KCNMB4: variants seen among roughly 807,000 people sequenced by gnomAD.
The protein encoded by KCNMB4 is potassium calcium-activated channel subfamily M regulatory beta subunit 4, also known as calcium-activated potassium channel subunit beta-4.
In KCNMB4, 3 loss-of-function variants were observed where a neutral mutation model predicts 20.7. That is an observed-to-expected ratio of 0.14 (90% confidence interval 0.07 to 0.37). KCNMB4 has a LOEUF of 0.37. KCNMB4 is among the 10% of genes least tolerant of loss of function. The pLI, the probability that KCNMB4 is intolerant of heterozygous loss-of-function variation, is 1.00. For missense variants in KCNMB4, 168 were observed against 265.9 expected, an observed-to-expected ratio of 0.63 and a Z score of 2.56; for synonymous variants, 110 against 113.4, an observed-to-expected ratio of 0.97 and a Z score of 0.19.
chr12:70,401,150 C>T (rs753791829), intron 2 of KCNMB4, among the ~76,000 whole-genome samples: 8 of 152,218 alleles, frequency 5.3e-5, no homozygotes, highest in Non-Finnish European at 8.8e-5. Flanking sequence ...CTCAGCCTCC[C>T]GAGTAGCTGG....
chr12:70,424,408 T>C (rs1223503148), intron 2 of KCNMB4, among the ~76,000 whole-genome samples: 1 of 146,608 alleles, frequency 6.8e-6, no homozygotes, highest in Non-Finnish European at 1.5e-5. Flanking sequence ...GCCACTGCAG[T>C]CCAGCCTGGG....
chr12:70,414,136 G>A (rs765529527), intron 2 of KCNMB4, among the ~76,000 whole-genome samples: 62 of 152,278 alleles, frequency 4.1e-4, no homozygotes, highest in Admixed American at 1.0e-3. Context: ...GGAGGCTGAG[G>A]CAGGAGAATT....
chr12:70,376,887 AAAAAG>A (rs1883697296), intron 1 of KCNMB4, among the ~76,000 whole-genome samples: 1 of 151,902 alleles, frequency 6.6e-6, no homozygotes, highest in African/African-American at 2.4e-5. Flanking sequence ...AAAAAAAAGA[AAAAAG>A]AATGTAATTT....
At chr12:70,429,420 A>G (rs1271658844) in intron 2 of KCNMB4, among the ~76,000 whole-genome samples, 1 of 152,164 alleles carries the variant, frequency 6.6e-6, no homozygotes, top group Admixed American at 6.5e-5. Context: ...TAATGCCAGC[A>G]CTTTGGGAGG....
At chr12:70,399,248 A>G (rs540547623) in intron 1 of KCNMB4, among the ~76,000 whole-genome samples, 4 of 152,294 alleles carry the variant, frequency 2.6e-5, no homozygotes, top group East Asian at 1.9e-4. Context: ...ATAAAACTCT[A>G]TGTTGTGTTG....
intron 1 of KCNMB4, among the ~76,000 whole-genome samples, chr12:70,386,526 ATT>A (rs1317975571): frequency 6.6e-6 from 1 of 151,992 alleles, no homozygotes; most frequent in Admixed American, 6.6e-5. Flanking sequence ...AAAAATGTAA[ATT>A]AAAATAAGAA....
intron 1 of KCNMB4, among the ~76,000 whole-genome samples, chr12:70,392,623 C>T (rs550414547): frequency 4.5e-4 from 69 of 152,182 alleles, no homozygotes; most frequent in African/African-American, 1.5e-3. Flanking sequence ...AAATGTGGCA[C>T]GTATACACCA....
chr12:70,433,251 G>GT lies in KCNMB4; in HGVS notation c.*2599dup, dbSNP rs1233772515. ...AAATCAGAAAATGATCTAAACTGCT[G>GT]TAACAAAGAGACCCCAAAATATGAT... On this transcript the variant is annotated 3_prime_UTR_variant, in exon 3 of 3. Transcript: ENST00000258111. The GT allele has an allele frequency of 1.3e-5, 2 of 152,124 alleles. No individual in the cohort carries two copies. Among genetic ancestry groups the GT allele is most frequent in the African/African-American group, 4.8e-5 (2 of 41,428 alleles). 9.4% of individuals were successfully genotyped at this position (152,124 alleles called of 1,614,324 possible). A position where few individuals can be genotyped will look rare whatever the true frequency, so the allele number is the denominator to read the frequency against.
intron 1 of KCNMB4, among the ~76,000 whole-genome samples, chr12:70,387,398 A>ATTTTT (rs200125786): frequency 8.1e-6 from 1 of 123,988 alleles, no homozygotes; most frequent in Non-Finnish European, 1.7e-5. Flanking sequence ...AAATTTTTTA[A>ATTTTT]TTTTTTTTTT....
At chr12:70,426,979 A>T (rs1347428201) in intron 2 of KCNMB4, among the ~76,000 whole-genome samples, 2 of 152,178 alleles carry the variant, frequency 1.3e-5, no homozygotes, top group Non-Finnish European at 2.9e-5. Flanking sequence ...CTCCAAGAGA[A>T]ATCTCTTGCT....
intron 1 of KCNMB4, among the ~76,000 whole-genome samples, chr12:70,393,942 G>A (rs984387594): frequency 6.6e-6 from 1 of 152,100 alleles, no homozygotes; most frequent in Non-Finnish European, 1.5e-5. Context: ...TCTCTGACAA[G>A]CAAATTCCTG....
Position 70,366,921 on chromosome 12 carries a change from G to A in KCNMB4, c.187G>A (p.Gly63Ser). 1 of 1,613,064 alleles carries A rather than the reference G, an allele frequency of 6.2e-7. No individual in the cohort carries two copies. Reference sequence around the variant, plus strand: ...CACGGTGCTGTCGGTGCAGCAGATCGGCGAGGTGTTCGAGTGCACCTTCAC... The same window carrying A: ...CACGGTGCTGTCGGTGCAGCAGATCAGCGAGGTGTTCGAGTGCACCTTCAC... ...NCTVLSVQQIGEVFECTFTCG... is the reference protein window; with the variant it reads ...NCTVLSVQQISEVFECTFTCG... Residue 63 changes from glycine (G) to serine (S), a missense_variant, in exon 1 of 3, where the codon GGC becomes AGC. Physicochemically the swap from Gly to Ser is moderately conservative, Grantham distance 56. Transcript: ENST00000258111.
chr12:70,381,324 A>G (rs1256046640), intron 1 of KCNMB4, among the ~76,000 whole-genome samples: 5 of 152,224 alleles, frequency 3.3e-5, no homozygotes, highest in Admixed American at 1.3e-4. Flanking sequence ...AAACAGTTTG[A>G]CAGTTCCTCA....
chr12:70,382,460 T>TC (rs1477015489), intron 1 of KCNMB4, among the ~76,000 whole-genome samples: 3 of 138,874 alleles, frequency 2.2e-5, no homozygotes, highest in Admixed American at 7.2e-5. Context: ...AAAAAAAATT[T>TC]AAAGGTACAA....
intron 1 of KCNMB4, among the ~76,000 whole-genome samples, chr12:70,372,375 A>G (rs1883613431): frequency 1.3e-5 from 2 of 152,232 alleles, no homozygotes; most frequent in African/African-American, 2.4e-5. Flanking sequence ...CAGAATTTAT[A>G]TGTATGTTTA....
intron 2 of KCNMB4, among the ~76,000 whole-genome samples, 153 bp from the exon 3 acceptor site, chr12:70,430,332 T>A (rs1419740358): frequency 2.0e-5 from 3 of 152,286 alleles, no homozygotes; most frequent in East Asian, 1.9e-4. Flanking sequence ...CTGTAATGGG[T>A]TTGAAGCACA....
chr12:70,430,850 A>G lies in KCNMB4; in HGVS notation c.*197A>G. On this transcript the variant is annotated 3_prime_UTR_variant, in exon 3 of 3. Coordinates refer to ENST00000258111, the MANE Select transcript of KCNMB4 (RefSeq NM_014505.6). ...TCAAAGCTTGTATTCCATCTGCTGT[A>G]GCAATGGCTAAAGGGTCAAGATCTT... is the stretch of plus-strand genomic sequence containing the variant. 9.6e-6 allele frequency: 5 copies of G among 519,804 alleles called. No homozygotes were observed. The highest frequency in any genetic ancestry group is 1.7e-5 in the Non-Finnish European group (5 of 301,266). The allele number at this position is 519,804 out of a possible 1,614,324, so 32.2% of individuals were successfully genotyped here.
At chr12:70,424,032 C>T (rs1242241564) in intron 2 of KCNMB4, among the ~76,000 whole-genome samples, 1 of 152,134 alleles carries the variant, frequency 6.6e-6, no homozygotes, top group Non-Finnish European at 1.5e-5. Context: ...TGTTTAGACT[C>T]AGGGCTTGTC....
chr12:70,424,046 C>G (rs1869141434), intron 2 of KCNMB4, among the ~76,000 whole-genome samples: 1 of 152,138 alleles, frequency 6.6e-6, no homozygotes, highest in Non-Finnish European at 1.5e-5. Context: ...GCTTGTCTAC[C>G]TAACTTAGTA....
Sources: gnomAD v4.1 joint callset for allele counts (sites outside exome capture counted in the v4.1 genomes callset) on GRCh38, gnomAD v4.1.1 for gene constraint, MANE v1.5 for transcripts, NCBI Gene and HGNC (gene_info 2026-07-23, HGNC 2026-07-21) for gene names.